The following SPIDR variants were observed in gnomAD, a reference collection of about 807,000 sequenced individuals.
SPIDR encodes scaffold protein involved in DNA repair, also known as DNA repair-scaffolding protein.
In SPIDR, 93 loss-of-function variants were observed where a neutral mutation model predicts 104.6. The ratio of observed to expected loss-of-function variants is 0.89; its 90% confidence interval spans 0.75 to 1.06. The LOEUF is 1.06. Ranked by LOEUF, SPIDR falls within the 50% of genes least tolerant of loss-of-function variation. SPIDR has a pLI of 0.00. For missense variants in SPIDR, 1,154 were observed against 1,111.2 expected, an observed-to-expected ratio of 1.04 and a Z score of -0.55; for synonymous variants, 431 against 416.9, an observed-to-expected ratio of 1.03 and a Z score of -0.41.
chr8:47,345,364 A>G (rs1195082335), intron 5 of SPIDR, among the ~76,000 whole-genome samples: 2 of 152,190 alleles, frequency 1.3e-5, no homozygotes, highest in African/African-American at 2.4e-5. Context: ...TGGTTACTGT[A>G]GCCTTGTAGT....
chr8:47,341,597 T>C (rs1360574663), intron 5 of SPIDR, among the ~76,000 whole-genome samples: 5 of 152,124 alleles, frequency 3.3e-5, no homozygotes, highest in African/African-American at 1.2e-4. Context: ...ATAATTCTTA[T>C]GCAAAACAGA....
chr8:47,440,636 A>G, intron 8 of SPIDR, 94 bp downstream of exon 8: 2 of 1,281,786 alleles, frequency 1.6e-6, no homozygotes, highest in Admixed American at 2.4e-5. Flanking sequence ...TCACTTTATC[A>G]TAGAGCAATG....
At chr8:47,382,641 G>A (rs1017869026) in intron 5 of SPIDR, among the ~76,000 whole-genome samples, 4 of 152,124 alleles carry the variant, frequency 2.6e-5, no homozygotes, top group Non-Finnish European at 5.9e-5. Flanking sequence ...TCGATCTCTT[G>A]ACTTCGTGAT....
At chr8:47,665,423 A>G (rs1438819507) in intron 10 of SPIDR, among the ~76,000 whole-genome samples, 2 of 152,232 alleles carry the variant, frequency 1.3e-5, no homozygotes, top group Admixed American at 6.5e-5. Context: ...TATAGAAACC[A>G]AAGACCACTG....
intron 5 of SPIDR, among the ~76,000 whole-genome samples, chr8:47,374,629 A>G (rs1028124145): frequency 6.6e-6 from 1 of 152,144 alleles, no homozygotes; most frequent in Admixed American, 6.5e-5. Context: ...GCTCTTCATG[A>G]ATTTAGTTTT....
At chr8:47,297,989 G>C (rs1456943239) in intron 5 of SPIDR, among the ~76,000 whole-genome samples, 1 of 152,084 alleles carries the variant, frequency 6.6e-6, no homozygotes, top group Non-Finnish European at 1.5e-5. Flanking sequence ...GGGATGGCTG[G>C]GTCAAATGGT....
intron 8 of SPIDR, among the ~76,000 whole-genome samples, chr8:47,451,701 G>A (rs2071776079): frequency 6.6e-6 from 1 of 151,964 alleles, no homozygotes; most frequent in Non-Finnish European, 1.5e-5. Context: ...CTGAGAAGCA[G>A]AATGAAAAAA....
chr8:47,569,498 A>G (rs2058276538), intron 8 of SPIDR, among the ~76,000 whole-genome samples: 1 of 152,208 alleles, frequency 6.6e-6, no homozygotes, highest in Non-Finnish European at 1.5e-5. Context: ...TTTCCAGGAT[A>G]GATTATTTGT....
At chr8:47,312,311 G>A (rs1292182194) in intron 5 of SPIDR, among the ~76,000 whole-genome samples, 17 of 152,048 alleles carry the variant, frequency 1.1e-4, no homozygotes, top group Admixed American at 9.8e-4. Context: ...TTCCACAATG[G>A]TTGAACTAGT....
chr8:47,726,789 A>G (rs2084310557), intron 16 of SPIDR, among the ~76,000 whole-genome samples: 1 of 152,092 alleles, frequency 6.6e-6, no homozygotes, highest in Non-Finnish European at 1.5e-5. Flanking sequence ...GCTGGAGTGC[A>G]GTGGCATAAT....
At chr8:47,502,886 C>T (rs2080769739) in intron 8 of SPIDR, among the ~76,000 whole-genome samples, 1 of 152,184 alleles carries the variant, frequency 6.6e-6, no homozygotes, top group Non-Finnish European at 1.5e-5. Flanking sequence ...GCCTTCATTT[C>T]GTTATGTACT....
At chr8:47,657,285 GAAAA>G (rs532604030) in intron 10 of SPIDR, among the ~76,000 whole-genome samples, 1 of 149,482 alleles carries the variant, frequency 6.7e-6, no homozygotes, top group East Asian at 2.0e-4. Context: ...TTGTGCTGAG[GAAAA>G]AAAAAATCCA....
At chr8:47,567,597 A>G (rs2058029437) in intron 8 of SPIDR, among the ~76,000 whole-genome samples, 3 of 152,002 alleles carry the variant, frequency 2.0e-5, no homozygotes, top group African/African-American at 7.2e-5. Context: ...CTAGAAAAAC[A>G]TTTTCATTCA....
At chr8:47,586,082 G>A (rs1030112422) in intron 8 of SPIDR, among the ~76,000 whole-genome samples, 1 of 151,982 alleles carries the variant, frequency 6.6e-6, no homozygotes, top group Non-Finnish European at 1.5e-5. Context: ...TCTTTTTATT[G>A]CTGAATAGTA....
chr8:47,634,320 C>T (rs1038445731), intron 10 of SPIDR, among the ~76,000 whole-genome samples: 7 of 151,986 alleles, frequency 4.6e-5, no homozygotes, highest in Admixed American at 3.9e-4. Flanking sequence ...GGCATGGTGG[C>T]GGGTGCCTGT....
intron 11 of SPIDR, among the ~76,000 whole-genome samples, chr8:47,696,194 C>G (rs745502174): frequency 6.6e-6 from 1 of 152,206 alleles, no homozygotes; most frequent in Admixed American, 6.5e-5. Flanking sequence ...ACATCACTTC[C>G]GACTCTTGAA....
At chr8:47,286,860 A>G (rs2154232593) in intron 3 of SPIDR, among the ~76,000 whole-genome samples, 1 of 152,346 alleles carries the variant, frequency 6.6e-6, no homozygotes, top group Admixed American at 6.5e-5. Context: ...GAATCTTAGT[A>G]TATATCTTTC....
In SPIDR at chr8:47,658,967, ACTCTT is replaced by A. The variant is rs941968947; in HGVS notation, c.1545-14830_1545-14826del. Among the ~76,000 whole-genome samples, 6 of 148,390 alleles carry A rather than the reference ACTCTT, an allele frequency of 4.0e-5. No homozygotes were observed. The South Asian group carries it at 8.5e-4, about 21-fold the overall frequency. ...CAAAAAAAAAAAAAAAAAAGAAAAG[ACTCTT>A]CTCAGCGCCGCACAGTGGCTTACAC... On this transcript the variant is annotated intron_variant, in intron 10 of 19. Transcript: ENST00000297423.
chr8:47,501,091 T>C lies in SPIDR; in HGVS notation c.1097+60549T>C, dbSNP rs538871426. Among the ~76,000 whole-genome samples the C allele has an allele frequency of 6.6e-5, 10 of 152,344 alleles. No homozygotes were observed. In the East Asian group the frequency reaches 1.7e-3, roughly 26 times the overall value. ...TCAGGTAGCGTGATGCTTCCAGCTTTGTTCTTTTGGCTTAGGATTGACTTG... is the reference window on the plus strand; with the variant it reads ...TCAGGTAGCGTGATGCTTCCAGCTTCGTTCTTTTGGCTTAGGATTGACTTG... On this transcript the variant is annotated intron_variant, in intron 8 of 19. Transcript: ENST00000297423.
Sources: allele counts gnomAD v4.1 joint callset (sites outside exome capture counted in the v4.1 genomes callset), GRCh38; gene constraint gnomAD v4.1.1; transcripts MANE v1.5; gene names NCBI Gene and HGNC (gene_info 2026-07-23, HGNC 2026-07-21).